The following GNB1 variants were observed in gnomAD, a reference collection of about 807,000 sequenced individuals.
GNB1 encodes the protein guanine nucleotide-binding protein G(I)/G(S)/G(T) subunit beta-1.
In GNB1, 2 loss-of-function variants were observed where a neutral mutation model predicts 42.9. That is an observed-to-expected ratio of 0.05 (90% CI 0.02 to 0.15). GNB1 has a LOEUF of 0.15. Ranked by LOEUF, GNB1 falls within the 10% of genes least tolerant of loss-of-function variation. The pLI is 1.00. For missense variants in GNB1, 193 were observed against 462.2 expected (o/e 0.42, Z 5.34); for synonymous variants, 183 against 174.7 (o/e 1.05, Z -0.38).
At position 1,883,005 on chromosome 1, in the gene GNB1, T is replaced by G. The variant is rs183083586; in HGVS notation, c.-96+7815A>C. ...TTCTACAAAGGTAAAGGAAAGCCTT[T>G]AAGAGCAGGTTACTGTGGCTCACAT... On this transcript the variant is annotated intron_variant, in intron 1 of 11. Transcript: ENST00000378609. Among the ~76,000 whole-genome samples, 478 of 151,772 alleles carry G rather than the reference T, an allele frequency of 3.1e-3. 3 individuals carry two copies. Among genetic ancestry groups the G allele is most frequent in the Non-Finnish European group, 2.1e-3 (146 of 67,922 alleles).
Position 1,790,550 on chromosome 1 carries a change from C to T in GNB1, c.544G>A (p.Gly182Arg), listed in dbSNP as rs1221252592. Residue 182 changes from glycine to arginine, a missense_variant, in exon 9 of 12, where the codon GGA becomes AGA. Physicochemically the swap from Gly to Arg is moderately radical, Grantham distance 125 (BLOSUM62 -2). Transcript: ENST00000378609. This position sits in a 1 kb window ranked among gnomAD's most constrained non-coding sequence, Gnocchi z 5.4. ...ETGQQTTTFTGHTGDVMSLSL... is the reference protein window; with the variant it reads ...ETGQQTTTFTRHTGDVMSLSL... The stretch of plus-strand genomic sequence containing the variant: ...AGGCTCATGACATCTCCAGTGTGTC[C>T]GGTAAACGTGGTCGTCTGCTGGCCG... 3 of 1,613,622 alleles carry T rather than the reference C, an allele frequency of 1.9e-6. No homozygotes were observed. The highest frequency in any genetic ancestry group is 1.3e-5 in the African/African-American group (1 of 74,860).
chr1:1,809,632 G>A (rs1646748308), intron 5 of GNB1, among the ~76,000 whole-genome samples: 1 of 152,128 alleles, frequency 6.6e-6, no homozygotes, highest in Admixed American at 6.6e-5. Context: ...CCTAGATTAG[G>A]AGGATCACCT....
At position 1,819,253 on chromosome 1, in the gene GNB1, T is replaced by C. The variant is rs139115749; in HGVS notation, c.58-1378A>G. On this transcript the variant is annotated intron_variant, in intron 3 of 11. Transcript: ENST00000378609. ...TTTTTTTTTTGAGACAGAGTCTCGCTCTGTCTTGCCCAGGCGGGAGTGCTG... is the reference window on the plus strand; with the variant it reads ...TTTTTTTTTTGAGACAGAGTCTCGCCCTGTCTTGCCCAGGCGGGAGTGCTG... 3.6e-4 allele frequency among the ~76,000 whole-genome samples: 55 copies of C among 152,008 alleles called. 1 individual carries two copies. The East Asian group carries it at 0.011, about 29-fold the overall frequency.
chr1:1,865,549 G>A (rs1416010660), intron 1 of GNB1, among the ~76,000 whole-genome samples: 2 of 152,122 alleles, frequency 1.3e-5, no homozygotes, highest in Admixed American at 6.6e-5. Flanking sequence ...TTGTGCCACC[G>A]CACTCCAACC....
chr1:1,820,237 A>G (rs950221238), intron 3 of GNB1, among the ~76,000 whole-genome samples: 2 of 151,710 alleles, frequency 1.3e-5, no homozygotes, highest in African/African-American at 4.8e-5. Context: ...GGCACCTGTA[A>G]TCGTAACTAT....
At chr1:1,886,642 T>C (rs1458527534) in intron 1 of GNB1, among the ~76,000 whole-genome samples, 1 of 152,244 alleles carries the variant, frequency 6.6e-6, no homozygotes, top group Non-Finnish European at 1.5e-5. Context: ...GCCTACTTCA[T>C]AATCTCTCCA....
chr1:1,873,465 C>G (rs779994780), intron 1 of GNB1, among the ~76,000 whole-genome samples: 5 of 152,186 alleles, frequency 3.3e-5, no homozygotes, highest in Non-Finnish European at 5.9e-5. Flanking sequence ...CTAGCGTGGC[C>G]AGCACAGTGA....
intron 7 of GNB1, among the ~76,000 whole-genome samples, chr1:1,794,584 G>GA: frequency 6.6e-6 from 1 of 152,150 alleles, no homozygotes; most frequent in East Asian, 1.9e-4. Flanking sequence ...GACACTGCGT[G>GA]AATCAGCAAA....
chr1:1,846,297 T>C (rs756466716), intron 1 of GNB1, among the ~76,000 whole-genome samples: 2 of 151,898 alleles, frequency 1.3e-5, no homozygotes, highest in Non-Finnish European at 2.9e-5. Flanking sequence ...CCGGGTGCAG[T>C]GGCTCATGTC....
At chr1:1,810,313 C>T (rs930579929) in intron 5 of GNB1, among the ~76,000 whole-genome samples, 1 of 151,888 alleles carries the variant, frequency 6.6e-6, no homozygotes, top group Non-Finnish European at 1.5e-5. Context: ...GATCCGCCCA[C>T]CTCAGCCTCC....
intron 1 of GNB1, among the ~76,000 whole-genome samples, chr1:1,843,716 A>G (rs957729977): frequency 6.6e-6 from 1 of 152,118 alleles, no homozygotes; most frequent in Non-Finnish European, 1.5e-5. Context: ...ATAGAACCCC[A>G]CACTAAGGAC....
chr1:1,810,869 T>C (rs572400682), intron 5 of GNB1, among the ~76,000 whole-genome samples: 1 of 152,036 alleles, frequency 6.6e-6, no homozygotes, highest in African/African-American at 2.4e-5. Context: ...GGTTTCACCA[T>C]ATTGGGCAGG....
chr1:1,836,303 A>G (rs187997798), intron 2 of GNB1, among the ~76,000 whole-genome samples: 67 of 151,158 alleles, frequency 4.4e-4, no homozygotes, highest in Non-Finnish European at 4.0e-4. Flanking sequence ...GAGGCACTCA[A>G]TTGCTGTCTA....
intron 1 of GNB1, among the ~76,000 whole-genome samples, chr1:1,887,453 T>C (rs577234903): frequency 8.3e-4 from 127 of 152,204 alleles, no homozygotes; most frequent in Admixed American, 1.7e-3. Context: ...GACCCAGAAA[T>C]TTTTAGCAAA....
chr1:1,868,467 G>A (rs927742722), intron 1 of GNB1, among the ~76,000 whole-genome samples: 1 of 152,166 alleles, frequency 6.6e-6, no homozygotes, highest in African/African-American at 2.4e-5. Flanking sequence ...ACCGTGCCTG[G>A]CCATGTTTTC....
At chr1:1,823,242 GAAAAAAAAA>G (rs745874003) in intron 3 of GNB1, among the ~76,000 whole-genome samples, 76 of 36,862 alleles carry the variant, frequency 2.1e-3, no homozygotes, top group Non-Finnish European at 4.2e-3. Context: ...ACTGTCTCCA[GAAAAAAAAA>G]AAAAAAAAAA....
chr1:1,876,836 G>A (rs994565702), intron 1 of GNB1, among the ~76,000 whole-genome samples: 1 of 152,116 alleles, frequency 6.6e-6, no homozygotes, highest in Non-Finnish European at 1.5e-5. Context: ...AGGTAGAGAC[G>A]TTCAGTAACT....
At chr1:1,877,027 G>A (rs193132057) in intron 1 of GNB1, among the ~76,000 whole-genome samples, 107 of 152,152 alleles carry the variant, frequency 7.0e-4, no homozygotes, top group Middle Eastern at 3.4e-3. Flanking sequence ...CAGGCCAGGC[G>A]TGGTGGCTCA....
intron 2 of GNB1, among the ~76,000 whole-genome samples, chr1:1,829,213 C>T (rs1475786096): frequency 1.3e-5 from 2 of 152,106 alleles, no homozygotes; most frequent in Admixed American, 6.6e-5. Context: ...TATGCTACCA[C>T]GCTTGGCTAG....
Sources: gnomAD v4.1 joint callset for allele counts (sites outside exome capture counted in the v4.1 genomes callset) on GRCh38, gnomAD v4.1.1 for gene constraint, Gnocchi (gnomAD v3.1) non-coding constraint, MANE v1.5 for transcripts, NCBI Gene and HGNC (gene_info 2026-07-23, HGNC 2026-07-21) for gene names.